BBX: variants seen among roughly 807,000 people sequenced by gnomAD.
The protein encoded by BBX is HMG box transcription factor BBX.
A neutral mutation model predicts 100.2 loss-of-function variants in BBX; 30 were observed. The ratio of observed to expected loss-of-function variants is 0.30; its 90% CI spans 0.22 to 0.41. The LOEUF is 0.41. Ranked by LOEUF, BBX falls within the 10% of genes least tolerant of loss-of-function variation. The pLI is 1.00. For synonymous variants in BBX, 376 were observed against 388.1 expected (o/e 0.97, Z 0.37); for missense variants, 1,023 against 1,129.8 (o/e 0.91, Z 1.35).
intron 9 of BBX, among the ~76,000 whole-genome samples, chr3:107,755,230 A>C (rs2065382942): frequency 6.6e-6 from 1 of 152,224 alleles, no homozygotes; most frequent in African/African-American, 2.4e-5. Context: ...TTCTTCAAAA[A>C]AATTGTTTGG....
At chr3:107,724,052 C>T (rs1382888442) in intron 5 of BBX, among the ~76,000 whole-genome samples, 1 of 152,162 alleles carries the variant, frequency 6.6e-6, no homozygotes, top group Admixed American at 6.5e-5. Flanking sequence ...TCCTATTTCT[C>T]CATATCCTAT....
chr3:107,770,344 G>T (rs2066802462), intron 10 of BBX, among the ~76,000 whole-genome samples: 2 of 152,164 alleles, frequency 1.3e-5, no homozygotes, highest in Admixed American at 6.5e-5. Flanking sequence ...CCACCAGAGT[G>T]ACAGTGGCTG....
At chr3:107,582,143 A>G (rs1161766889) in intron 2 of BBX, among the ~76,000 whole-genome samples, 1 of 152,046 alleles carries the variant, frequency 6.6e-6, no homozygotes, top group African/African-American at 2.4e-5. Flanking sequence ...AAAAAAAATC[A>G]CATTTACCTA....
chr3:107,783,233 G>A (rs1398090599), intron 13 of BBX, among the ~76,000 whole-genome samples: 4 of 151,838 alleles, frequency 2.6e-5, no homozygotes, highest in East Asian at 3.9e-4. Context: ...ATTTGTTTTC[G>A]AGTTTGTCAC....
At chr3:107,544,190 C>A (rs185873621) in intron 2 of BBX, among the ~76,000 whole-genome samples, 1 of 152,270 alleles carries the variant, frequency 6.6e-6, no homozygotes, top group Non-Finnish European at 1.5e-5. Context: ...AAATACTAGC[C>A]AGGTAATCTG....
intron 3 of BBX, among the ~76,000 whole-genome samples, chr3:107,670,092 A>G (rs1184042223): frequency 6.6e-6 from 1 of 152,138 alleles, no homozygotes; most frequent in Non-Finnish European, 1.5e-5. Context: ...TATTAGACTT[A>G]GCTAATTAGA....
At chr3:107,774,922 G>A in intron 12 of BBX, 65 bp downstream of exon 12, 3 of 1,561,016 alleles carry the variant, frequency 1.9e-6, no homozygotes, top group Non-Finnish European at 2.6e-6. Flanking sequence ...GATTTTCAAG[G>A]TAAACAGATC....
At chr3:107,571,031 G>A (rs1011113301) in intron 2 of BBX, among the ~76,000 whole-genome samples, 12 of 152,126 alleles carry the variant, frequency 7.9e-5, no homozygotes, top group African/African-American at 2.7e-4. Flanking sequence ...GGGGCCAAGC[G>A]GTGTTGCAGA....
intron 2 of BBX, among the ~76,000 whole-genome samples, chr3:107,564,772 T>C (rs2050758278): frequency 6.6e-6 from 1 of 152,150 alleles, no homozygotes; most frequent in South Asian, 2.1e-4. Flanking sequence ...TATAATCCTC[T>C]TGCTATCAGA....
At chr3:107,716,904 C>T in intron 5 of BBX, 55 bp downstream of exon 5, 1 of 1,580,340 alleles carries the variant, frequency 6.3e-7, no homozygotes, top group Non-Finnish European at 8.6e-7. Context: ...TCCTGAAACT[C>T]CCAGTCAACA....
intron 1 of BBX, among the ~76,000 whole-genome samples, chr3:107,526,035 G>C (rs2047747522): frequency 1.3e-5 from 2 of 152,186 alleles, no homozygotes; most frequent in African/African-American, 4.8e-5. Flanking sequence ...TTGCAGAATG[G>C]ATCAACTTTC....
intron 2 of BBX, among the ~76,000 whole-genome samples, chr3:107,631,378 G>A (rs543433147): frequency 3.3e-5 from 5 of 152,136 alleles, no homozygotes; most frequent in African/African-American, 4.8e-5. Flanking sequence ...AGATACGTGC[G>A]GTGGGAGAAA....
intron 3 of BBX, among the ~76,000 whole-genome samples, chr3:107,673,929 GTCT>G (rs1576283131): frequency 6.6e-6 from 1 of 152,162 alleles, no homozygotes; most frequent in African/African-American, 2.4e-5. Flanking sequence ...CCTCGTGACA[GTCT>G]TCAAGTATTT....
intron 2 of BBX, among the ~76,000 whole-genome samples, chr3:107,571,386 A>G (rs904018297): frequency 6.6e-6 from 1 of 152,130 alleles, no homozygotes; most frequent in Admixed American, 6.6e-5. Flanking sequence ...CCAAGGGAAG[A>G]CTGTCTTCCT....
chr3:107,607,428 G>A (rs1401971012), intron 2 of BBX, among the ~76,000 whole-genome samples: 1 of 152,164 alleles, frequency 6.6e-6, no homozygotes, highest in Non-Finnish European at 1.5e-5. Flanking sequence ...TTGTGTGTGT[G>A]TACCACATTT....
intron 7 of BBX, 55 bp from the exon 8 acceptor site, chr3:107,744,575 T>C: frequency 7.3e-7 from 1 of 1,365,552 alleles, no homozygotes; most frequent in Non-Finnish European, 1.0e-6. Context: ...CATTAAATGT[T>C]TACCTAACAC....
At chr3:107,568,245 C>G (rs539909030) in intron 2 of BBX, among the ~76,000 whole-genome samples, 1 of 149,990 alleles carries the variant, frequency 6.7e-6, no homozygotes, top group Admixed American at 6.7e-5. Context: ...TCAGTTATGT[C>G]AGATTCTCTA....
intron 3 of BBX, among the ~76,000 whole-genome samples, chr3:107,690,540 T>C (rs1021157663): frequency 3.3e-5 from 5 of 152,206 alleles, no homozygotes; most frequent in African/African-American, 1.2e-4. Flanking sequence ...GATGGTTACC[T>C]ATCCCTAAAA....
At chr3:107,610,954 T>C (rs2054804320) in intron 2 of BBX, among the ~76,000 whole-genome samples, 1 of 152,124 alleles carries the variant, frequency 6.6e-6, no homozygotes, top group Non-Finnish European at 1.5e-5. Context: ...TCGTCTTCCT[T>C]TTAGTGAAGG....
Sources: allele counts gnomAD v4.1 joint callset (sites outside exome capture counted in the v4.1 genomes callset), GRCh38; gene constraint gnomAD v4.1.1; transcripts MANE v1.5; gene names NCBI Gene and HGNC (gene_info 2026-07-23, HGNC 2026-07-21).